LIMD1: variants seen among roughly 807,000 people sequenced by gnomAD.
LIMD1 encodes the protein LIM domain-containing protein 1.
Under a neutral mutation model 58.4 loss-of-function variants are expected in LIMD1, and 23 were observed. The observed-to-expected ratio is 0.39, with a 90% CI of 0.28 to 0.56. LIMD1 has a LOEUF of 0.56. Ranked by LOEUF, LIMD1 falls within the 20% of genes least tolerant of loss-of-function variation. The pLI, the probability that LIMD1 is intolerant of heterozygous loss-of-function variation, is 0.57. For missense variants in LIMD1, 838 were observed against 855.5 expected (o/e 0.98, Z 0.25); for synonymous variants, 334 against 345.5 (o/e 0.97, Z 0.37).
At chr3:45,634,630 A>G (rs532878052) in intron 1 of LIMD1, among the ~76,000 whole-genome samples, 3 of 152,334 alleles carry the variant, frequency 2.0e-5, no homozygotes, top group Admixed American at 1.3e-4. Context: ...CGAGGGGGCC[A>G]CTGTTGTCCC....
intron 1 of LIMD1, among the ~76,000 whole-genome samples, chr3:45,626,778 G>A (rs1188346948): frequency 6.6e-6 from 1 of 151,778 alleles, no homozygotes; most frequent in Non-Finnish European, 1.5e-5. Context: ...TGTGACAAGT[G>A]TACCACTCTG....
chr3:45,659,695 A>G (rs1391466111), intron 2 of LIMD1, among the ~76,000 whole-genome samples: 2 of 152,290 alleles, frequency 1.3e-5, no homozygotes, highest in Non-Finnish European at 2.9e-5. Flanking sequence ...GCTATGTAAC[A>G]TTTCATCATT....
intron 1 of LIMD1, among the ~76,000 whole-genome samples, chr3:45,601,927 T>C (rs962390805): frequency 5.3e-5 from 8 of 151,570 alleles, no homozygotes; most frequent in Non-Finnish European, 1.0e-4. Flanking sequence ...TCTTCCCCCA[T>C]ATTTCAGGCT....
At chr3:45,630,719 G>A (rs75802193) in intron 1 of LIMD1, among the ~76,000 whole-genome samples, 8 of 151,846 alleles carry the variant, frequency 5.3e-5, no homozygotes, top group South Asian at 2.1e-4. Flanking sequence ...GATGGGGGGG[G>A]TTGGGGGGCA....
intron 1 of LIMD1, among the ~76,000 whole-genome samples, chr3:45,615,364 T>C (rs1701566349): frequency 6.6e-6 from 1 of 152,170 alleles, no homozygotes; most frequent in African/African-American, 2.4e-5. Flanking sequence ...TGTATTTTAT[T>C]TGTATGGATT....
At chr3:45,625,560 C>G (rs1223142493) in intron 1 of LIMD1, among the ~76,000 whole-genome samples, 1 of 152,088 alleles carries the variant, frequency 6.6e-6, no homozygotes, top group Non-Finnish European at 1.5e-5. Flanking sequence ...ATGCCCCCCA[C>G]AGTTCAAGTG....
rs1701314291 is a variant in LIMD1, at chr3:45,594,788, C to CACACAA, written c.-87_-86insAACACA. 1.4e-5 allele frequency: 1 copy of CACACAA among 70,678 alleles called. No homozygotes were observed. The highest frequency in any genetic ancestry group is 1.0e-4 in the African/African-American group (1 of 9,876). 4.4% of individuals were successfully genotyped at this position (70,678 alleles called of 1,614,324 possible). A position where few individuals can be genotyped will look rare whatever the true frequency, so the allele number is the denominator to read the frequency against. ...CTCCCCGCTGCCCTCAACACACACA[C>CACACAA]ACACACACACACACACACACACACA... On this transcript the variant is annotated 5_prime_UTR_variant, in exon 1 of 8. Transcript: ENST00000273317.
At chr3:45,662,304 C>T (rs920966684) in intron 2 of LIMD1, among the ~76,000 whole-genome samples, 15 of 140,084 alleles carry the variant, frequency 1.1e-4, no homozygotes, top group Non-Finnish European at 1.4e-4. Context: ...TGTGTGTGCG[C>T]GTGTAAAACC....
chr3:45,672,885 T>C lies in LIMD1; in HGVS notation c.1772+65T>C, dbSNP rs1217906839. On this transcript the variant is annotated intron_variant, in intron 5 of 7. Transcript: ENST00000273317. Reference sequence around the variant, plus strand: ...GCCAAGCTGATCTCAGCAGAGTGAGTGGTGGAAACCGACAAAACTGTGTTT... The same window carrying C: ...GCCAAGCTGATCTCAGCAGAGTGAGCGGTGGAAACCGACAAAACTGTGTTT... The C allele has an allele frequency of 1.0e-5, 16 of 1,589,694 alleles. No individual in the cohort carries two copies. The African/African-American group carries it at 1.6e-4, about 16-fold the overall frequency.
In LIMD1 at chr3:45,672,733, G is replaced by A. The variant is rs775661723; in HGVS notation, c.1685G>A (p.Arg562His). The change falls in exon 5 of 8, where the codon CGC becomes CAC. Residue 562 changes from arginine (R) to histidine (H), a missense_variant. Arg to His is a conservative substitution (Grantham distance 29, BLOSUM62 0). Transcript: ENST00000273317. ...AAGTCCTACCACCCCGGCTGTTTCC[G>A]CTGTGTCATCTGTAATGAGTGTTTG... ...LGKSYHPGCF[R>H]CVICNECLDG... is the part of the protein sequence containing the mutation. The A allele has an allele frequency of 1.1e-5, 18 of 1,613,820 alleles. No homozygotes were observed. Among genetic ancestry groups the A allele is most frequent in the Admixed American group, 6.7e-5 (4 of 59,992 alleles).
rs781678616 is a variant in LIMD1 at position 45,636,262 on chromosome 3, G to A, written c.1510+11G>A. On this transcript the variant is annotated intron_variant, in intron 2 of 7. Coordinates refer to ENST00000273317, the MANE Select transcript of LIMD1 (RefSeq NM_014240.3). ...CCTGTGCAGCTTGCAGTAAGTGTGG[G>A]TGTGGGTGTCGGGTGTGTGGGGGAT... The A allele has an allele frequency of 7.6e-6, 12 of 1,587,138 alleles. No individual in the cohort carries two copies. Among genetic ancestry groups the A allele is most frequent in the Non-Finnish European group, 1.0e-5 (12 of 1,163,226 alleles).
At chr3:45,664,762 G>A (rs977309585) in intron 2 of LIMD1, among the ~76,000 whole-genome samples, 4 of 152,176 alleles carry the variant, frequency 2.6e-5, no homozygotes, top group African/African-American at 9.7e-5. Flanking sequence ...TCTGTATCTC[G>A]GGCACTGTTT....
rs938951264 is a variant in LIMD1, at chr3:45,673,451, C to T, written c.1773-3C>T. ...TTTATTGCTGCTTTGTTTCTCCCCA[C>T]AGGGTGCTGGCCCCCAAGTGTGCAG... On this transcript the variant is annotated splice_polypyrimidine_tract_variant and splice_region_variant and intron_variant, in intron 5 of 7. Transcript: ENST00000273317. 3 of 1,613,602 alleles carry T rather than the reference C, an allele frequency of 1.9e-6. No individual in the cohort carries two copies. Among genetic ancestry groups the T allele is most frequent in the Non-Finnish European group, 2.5e-6 (3 of 1,179,662 alleles).
intron 1 of LIMD1, among the ~76,000 whole-genome samples, chr3:45,627,913 C>G (rs1701681572): frequency 6.7e-6 from 1 of 148,582 alleles, no homozygotes; most frequent in South Asian, 2.1e-4. Context: ...GAGGCTGAGG[C>G]AGGAGAATCG....
intron 2 of LIMD1, among the ~76,000 whole-genome samples, chr3:45,645,818 T>G (rs1013269477): frequency 6.6e-6 from 1 of 152,052 alleles, no homozygotes; most frequent in Non-Finnish European, 1.5e-5. Flanking sequence ...CTCTGGCCCC[T>G]TCAGATTCCT....
At chr3:45,652,928 C>T (rs893316802) in intron 2 of LIMD1, among the ~76,000 whole-genome samples, 2 of 152,106 alleles carry the variant, frequency 1.3e-5, no homozygotes, top group African/African-American at 4.8e-5. Context: ...TTTGGAGTGG[C>T]ACGTGAGAAG....
In LIMD1 at chr3:45,594,799, A is replaced by ACACACACACACACACACACACACAC. The variant is rs1559510586; in HGVS notation, c.-80_-56dup. ...CCTCAACACACACACACACACACAC[A>ACACACACACACACACACACACACAC]CACACACACACACACACACACACAC... is the stretch of plus-strand genomic sequence containing the variant. On this transcript the variant is annotated 5_prime_UTR_variant, in exon 1 of 8. Coordinates refer to ENST00000273317, the MANE Select transcript of LIMD1 (RefSeq NM_014240.3). The ACACACACACACACACACACACACAC allele has an allele frequency of 6.1e-4, 88 of 145,378 alleles. No homozygotes were observed. The highest frequency in any genetic ancestry group is 1.0e-3 in the African/African-American group (24 of 23,480). 9.0% of individuals were successfully genotyped at this position (145,378 alleles called of 1,614,324 possible). A position where few individuals can be genotyped will look rare whatever the true frequency, so the allele number is the denominator to read the frequency against.
In LIMD1 at chr3:45,672,722, C is replaced by T. The variant is rs772955390; in HGVS notation, c.1674C>T (p.Pro558=). 49 of 1,613,888 alleles carry T rather than the reference C, an allele frequency of 3.0e-5. No homozygotes were observed. Among genetic ancestry groups the T allele is most frequent in the East Asian group, 6.7e-5 (3 of 44,890 alleles). The change falls in exon 5 of 8, where the codon CCC becomes CCT. Residue 558 remains proline (P), a synonymous_variant. Coordinates refer to ENST00000273317, the MANE Select transcript of LIMD1 (RefSeq NM_014240.3). Reference sequence around the variant, plus strand: ...AAGCCCTGGGGAAGTCCTACCACCCCGGCTGTTTCCGCTGTGTCATCTGTA... The same window carrying T: ...AAGCCCTGGGGAAGTCCTACCACCCTGGCTGTTTCCGCTGTGTCATCTGTA... ...ILQALGKSYH[P]GCFRCVICNE...
Position 45,601,640 on chromosome 3 carries a change from C to T in LIMD1, c.1408+5353C>T, listed in dbSNP as rs1013402206. On this transcript the variant is annotated intron_variant, in intron 1 of 7. Transcript: ENST00000273317. ...TTCAGTGCTTTGTGGGCCTTGTTGG[C>T]ATTTAACCTGCACACTTAGTTTTGA... Among the ~76,000 whole-genome samples, 4 of 152,176 alleles carry T rather than the reference C, an allele frequency of 2.6e-5. No individual in the cohort carries two copies. The East Asian group carries it at 5.8e-4, about 22-fold the overall frequency.
Sources: gnomAD v4.1 joint callset for allele counts (sites outside exome capture counted in the v4.1 genomes callset) on GRCh38, gnomAD v4.1.1 for gene constraint, MANE v1.5 for transcripts, NCBI Gene and HGNC (gene_info 2026-07-23, HGNC 2026-07-21) for gene names.